UPRT: variants seen among roughly 807,000 people sequenced by gnomAD.
The protein encoded by UPRT is RP11-311P8.3.
Under a neutral mutation model 22.6 loss-of-function variants are expected in UPRT, and 5 were observed. The observed-to-expected ratio is 0.22, with a 90% CI of 0.12 to 0.47. The LOEUF (loss-of-function observed/expected upper bound fraction) is 0.47. Ranked by LOEUF, UPRT falls within the 20% of genes least tolerant of loss-of-function variation. UPRT has a pLI of 0.99. For synonymous variants in UPRT, 77 were observed against 87.7 expected (o/e 0.88, Z 0.68); for missense variants, 181 against 239.9 (o/e 0.75, Z 1.62).
At chrX:75,243,528 G>C (rs1260145438) in intron 4 of UPRT, among the ~76,000 whole-genome samples, 1 of 111,423 alleles carries the variant, frequency 9.0e-6, no homozygotes, top group Non-Finnish European at 1.9e-5. Context: ...AACTTTTTTT[G>C]TAAATTATAA....
At chrX:75,264,766 T>C (rs2082581572) in intron 4 of UPRT, among the ~76,000 whole-genome samples, 1 of 111,832 alleles carries the variant, frequency 8.9e-6, no homozygotes, top group African/African-American at 3.2e-5. Context: ...CGTTAGTTGA[T>C]GCAGTTTCTT....
intron 4 of UPRT, among the ~76,000 whole-genome samples, chrX:75,214,956 AACACACACAC>A (rs56673150): frequency 3.0e-5 from 3 of 99,055 alleles, no homozygotes; most frequent in Non-Finnish European, 6.0e-5. Context: ...AAGTATTCTC[AACACACACAC>A]ACACACACAC....
intron 3 of UPRT, among the ~76,000 whole-genome samples, chrX:75,167,589 C>G (rs7063873): frequency 0.029 from 3,231 of 111,864 alleles, 117 homozygotes; most frequent in African/African-American, 0.1. Flanking sequence ...GTTTCACTTT[C>G]CATATGCATT....
chrX:75,285,519 C>T (rs1415068135), intron 1 of UPRT: 2 of 111,834 alleles, frequency 1.8e-5, no homozygotes, highest in Admixed American at 9.5e-5. Context: ...ATTGACTCAG[C>T]TCCAGGTAAG....
At chrX:75,281,997 G>A (rs2082659377) in intron 1 of UPRT, among the ~76,000 whole-genome samples, 1 of 110,714 alleles carries the variant, frequency 9.0e-6, no homozygotes, top group African/African-American at 3.3e-5. Flanking sequence ...AGCAAGGAGG[G>A]TTGTATTTTT....
chrX:75,237,496 C>G (rs895198367), intron 4 of UPRT, among the ~76,000 whole-genome samples: 2 of 110,604 alleles, frequency 1.8e-5, no homozygotes, highest in African/African-American at 6.6e-5. Context: ...AACACATGCA[C>G]ATGTATGTTT....
chrX:75,297,616 G>C, intron 4 of UPRT, 63 bp downstream of exon 4: 1 of 1,126,380 alleles, frequency 8.9e-7, no homozygotes, highest in Non-Finnish European at 1.2e-6. Flanking sequence ...CTGTTTTCCA[G>C]AAGAGAGGCA....
At chrX:75,182,109 T>TTTTG (rs201474933) in intron 4 of UPRT, among the ~76,000 whole-genome samples, 4 of 111,995 alleles carry the variant, frequency 3.6e-5, no homozygotes, top group African/African-American at 9.7e-5. Flanking sequence ...GATGATCATG[T>TTTTG]TTTGTTTGTT....
intron 4 of UPRT, among the ~76,000 whole-genome samples, chrX:75,249,473 A>G (rs1015819266): frequency 3.6e-5 from 4 of 112,069 alleles, no homozygotes; most frequent in South Asian, 7.6e-4. Flanking sequence ...AGGCCATTAC[A>G]TAATGGTAAA....
In UPRT at chrX:75,274,185, C is replaced by G. The variant is rs1403626224; in HGVS notation, c.-70C>G. On this transcript the variant is annotated 5_prime_UTR_variant, in exon 1 of 7. It adds an upstream start codon to the 5' untranslated region. Transcript: ENST00000373383. ...AGCAACCGAGAGAGCACGTGAGCAT[C>G]TGTCCTTTCTACCCGTTCCTCTTTA... The G allele has an allele frequency of 1.7e-6, 2 of 1,143,476 alleles. No individual in the cohort carries two copies. The highest frequency in any genetic ancestry group is 2.3e-6 in the Non-Finnish European group (2 of 861,123). 94.2% of individuals were successfully genotyped at this position (1,143,476 alleles called of 1,213,427 possible).
At chrX:75,232,783 T>C (rs780288070) in intron 4 of UPRT, among the ~76,000 whole-genome samples, 2 of 112,013 alleles carry the variant, frequency 1.8e-5, no homozygotes, top group East Asian at 5.6e-4. Flanking sequence ...AAAACCCATC[T>C]GTACATCACC....
chrX:75,276,250 G>A (rs938918719), intron 1 of UPRT, among the ~76,000 whole-genome samples: 3 of 111,147 alleles, frequency 2.7e-5, no homozygotes, highest in Admixed American at 9.6e-5. Context: ...CTTCTTTTTC[G>A]TATATTGTTA....
intron 4 of UPRT, among the ~76,000 whole-genome samples, chrX:75,188,356 C>T (rs188254601): frequency 8.8e-4 from 99 of 111,950 alleles, no homozygotes; most frequent in Non-Finnish European, 1.6e-3. Context: ...GTCAGGGACC[C>T]ACCTGAGGAG....
intron 5 of UPRT, 131 bp from the exon 6 acceptor site, chrX:75,300,736 G>A (rs1376892223): frequency 2.6e-5 from 12 of 470,296 alleles, no homozygotes; most frequent in Middle Eastern, 6.6e-4. Context: ...GCAGTGGGCC[G>A]AGATCATGCC....
At chrX:75,270,217 G>A (rs372844923), upstream of UPRT, among the ~76,000 whole-genome samples, 18 of 111,519 alleles carry the variant, frequency 1.6e-4, no homozygotes, top group African/African-American at 2.3e-4. Context: ...ACCATCGCAC[G>A]CCAATTAGAA....
chrX:75,275,347 G>T (rs757571861), intron 1 of UPRT, among the ~76,000 whole-genome samples: 1 of 111,924 alleles, frequency 8.9e-6, no homozygotes, highest in African/African-American at 3.2e-5. Context: ...TTGTAAATGG[G>T]TTTTCTCCAG....
At chrX:75,284,654 A>G (rs1022367609) in intron 1 of UPRT, among the ~76,000 whole-genome samples, 12 of 111,457 alleles carry the variant, frequency 1.1e-4, no homozygotes, top group Admixed American at 6.7e-4. Flanking sequence ...TGAACCGCCT[A>G]TGGGTCTGTC....
At chrX:75,259,583 A>G (rs1249728984) in intron 4 of UPRT, among the ~76,000 whole-genome samples, 1 of 110,032 alleles carries the variant, frequency 9.1e-6, no homozygotes, top group East Asian at 2.9e-4. Context: ...AGGAACAAAC[A>G]AAGCCTCTGA....
At chrX:75,253,564 G>T (rs1158045300) in intron 4 of UPRT, among the ~76,000 whole-genome samples, 1 of 111,814 alleles carries the variant, frequency 8.9e-6, no homozygotes, top group Non-Finnish European at 1.9e-5. Flanking sequence ...TGGCAGATGG[G>T]AGGCAGGAGT....
Sources: gnomAD v4.1 joint callset for allele counts (sites outside exome capture counted in the v4.1 genomes callset) on GRCh38, gnomAD v4.1.1 for gene constraint, MANE v1.5 for transcripts, NCBI Gene and HGNC (gene_info 2026-07-23, HGNC 2026-07-21) for gene names.